LINGO2: variants seen among roughly 807,000 people sequenced by gnomAD.
LINGO2 encodes the protein leucine rich repeat and Ig domain containing 2, also known as leucine-rich repeat and immunoglobulin-like domain-containing nogo receptor-interacting protein 2.
LINGO2 carries 14 observed loss-of-function variants against 30.6 expected under a neutral mutation model. The observed-to-expected ratio is 0.46, with a 90% CI of 0.30 to 0.72. The LOEUF is 0.72. Ranked by LOEUF, LINGO2 falls within the 30% of genes least tolerant of loss-of-function variation. LINGO2 has a pLI of 0.07. For synonymous variants in LINGO2, 317 were observed against 288.5 expected, an observed-to-expected ratio of 1.10 and a Z score of -1.00; for missense variants, 729 against 751.7, an observed-to-expected ratio of 0.97 and a Z score of 0.35.
chr9:28,625,157 C>T (rs1000225542), intron 1 of LINGO2, among the ~76,000 whole-genome samples: 6 of 152,016 alleles, frequency 3.9e-5, no homozygotes, highest in Non-Finnish European at 8.8e-5. Flanking sequence ...AAGTTCTGAC[C>T]ATTGAGATAG....
the LINGO2 span, among the ~76,000 whole-genome samples, chr9:28,927,161 T>C: frequency 4.7e-4 from 71 of 152,244 alleles, no homozygotes; most frequent in Non-Finnish European, 8.2e-4. Context: ...CTGTGCCTGG[T>C]AAATAGTGCC....
intron 3 of LINGO2, among the ~76,000 whole-genome samples, chr9:28,319,546 C>T (rs963544580): frequency 6.6e-6 from 1 of 152,142 alleles, no homozygotes; most frequent in African/African-American, 2.4e-5. Context: ...CACAACCCCT[C>T]AGCAACATAC....
intron 1 of LINGO2, among the ~76,000 whole-genome samples, chr9:28,650,882 C>T (rs929805984): frequency 5.9e-5 from 9 of 152,276 alleles, no homozygotes; most frequent in African/African-American, 2.2e-4. Context: ...AAAGGTATTA[C>T]TAATATGTGA....
At chr9:28,957,365 C>T in the LINGO2 span, among the ~76,000 whole-genome samples, 1 of 152,106 alleles carries the variant, frequency 6.6e-6, no homozygotes, top group African/African-American at 2.4e-5. Context: ...AAGGGATGCA[C>T]ATGAAATTTG....
intron 1 of LINGO2, among the ~76,000 whole-genome samples, chr9:28,514,203 C>T (rs1259439438): frequency 6.6e-6 from 1 of 152,204 alleles, no homozygotes; most frequent in Non-Finnish European, 1.5e-5. Context: ...CCTTGGACCA[C>T]TCTATTCTTG....
At chr9:28,307,202 C>A (rs1452763616) in intron 3 of LINGO2, among the ~76,000 whole-genome samples, 1 of 152,178 alleles carries the variant, frequency 6.6e-6, no homozygotes, top group African/African-American at 2.4e-5. Flanking sequence ...GAAACCGAAT[C>A]CAGCAACACA....
At chr9:28,287,945 T>G (rs1017591190) in intron 4 of LINGO2, among the ~76,000 whole-genome samples, 2 of 152,200 alleles carry the variant, frequency 1.3e-5, no homozygotes, top group Non-Finnish European at 2.9e-5. Context: ...AGACATTTAT[T>G]TAGTCAGCAT....
intron 1 of LINGO2, among the ~76,000 whole-genome samples, chr9:28,604,861 C>G (rs546790280): frequency 6.6e-6 from 1 of 152,110 alleles, no homozygotes; most frequent in East Asian, 1.9e-4. Context: ...TTAGTAGTAT[C>G]AGATGCCACT....
chr9:28,727,435 G>A, the LINGO2 span, among the ~76,000 whole-genome samples: 13 of 151,994 alleles, frequency 8.6e-5, no homozygotes, highest in African/African-American at 3.1e-4. Context: ...ATGGGTGCCC[G>A]CCACCACGTC....
At chr9:29,075,564 C>T in the LINGO2 span, among the ~76,000 whole-genome samples, 1 of 152,078 alleles carries the variant, frequency 6.6e-6, no homozygotes, top group African/African-American at 2.4e-5. Flanking sequence ...CAGATTTAGC[C>T]TATTCATAAC....
At chr9:29,100,397 C>T in the LINGO2 span, among the ~76,000 whole-genome samples, 24,307 of 151,898 alleles carry the variant, frequency 0.16, 2,063 homozygotes, top group East Asian at 0.34. Flanking sequence ...AGTTCAAGAC[C>T]AGCCTGGCCA....
At chr9:28,027,715 A>G (rs1403196374) in intron 4 of LINGO2, among the ~76,000 whole-genome samples, 2 of 152,198 alleles carry the variant, frequency 1.3e-5, no homozygotes, top group Admixed American at 1.3e-4. Context: ...GCGAGGTGGT[A>G]TATAAAGTAT....
At chr9:28,125,461 G>T (rs1334694856) in intron 4 of LINGO2, among the ~76,000 whole-genome samples, 2 of 152,154 alleles carry the variant, frequency 1.3e-5, no homozygotes, top group Admixed American at 6.5e-5. Context: ...GAATATTTTA[G>T]TGGCACTCTG....
chr9:28,400,966 A>C (rs1822238970), intron 2 of LINGO2, among the ~76,000 whole-genome samples: 1 of 152,062 alleles, frequency 6.6e-6, no homozygotes, highest in Non-Finnish European at 1.5e-5. Context: ...TCTGTTTTTT[A>C]TTTCTTTCAT....
intron 5 of LINGO2, among the ~76,000 whole-genome samples, chr9:27,973,192 T>C (rs189615986): frequency 5.1e-4 from 77 of 152,334 alleles, no homozygotes; most frequent in Non-Finnish European, 8.7e-4. Context: ...CCACATCTTA[T>C]TGATTCTGTT....
intron 4 of LINGO2, among the ~76,000 whole-genome samples, chr9:28,177,851 G>A (rs1345203007): frequency 3.9e-5 from 6 of 152,024 alleles, no homozygotes; most frequent in African/African-American, 1.4e-4. Context: ...ATGATTTAGA[G>A]GTCTAATTCA....
At chr9:28,341,145 T>G (rs577417381) in intron 3 of LINGO2, among the ~76,000 whole-genome samples, 1 of 152,122 alleles carries the variant, frequency 6.6e-6, no homozygotes, top group African/African-American at 2.4e-5. Context: ...TATAAATCTT[T>G]AACCAATTCA....
intron 1 of LINGO2, among the ~76,000 whole-genome samples, chr9:28,515,522 A>C (rs1820587361): frequency 6.6e-6 from 1 of 152,166 alleles, no homozygotes; most frequent in African/African-American, 2.4e-5. Context: ...TACATTTTGT[A>C]AGGCTATAGT....
the LINGO2 span, among the ~76,000 whole-genome samples, chr9:29,007,974 C>T: frequency 6.6e-6 from 1 of 152,006 alleles, no homozygotes; most frequent in African/African-American, 2.4e-5. Flanking sequence ...ATGTGCACAA[C>T]ATGCAGGTTT....
Sources: allele counts gnomAD v4.1 joint callset (sites outside exome capture counted in the v4.1 genomes callset), GRCh38; gene constraint gnomAD v4.1.1; transcripts MANE v1.5; gene names NCBI Gene and HGNC (gene_info 2026-07-23, HGNC 2026-07-21).